The following WDR4 variants were observed in gnomAD, a reference collection of about 807,000 sequenced individuals.
The protein encoded by WDR4 is WDR4 tRNA N7-guanosine methyltransferase non-catalytic subunit, also known as tRNA (guanine-N(7)-)-methyltransferase non-catalytic subunit WDR4.
Under a neutral mutation model 48.6 loss-of-function variants are expected in WDR4, and 47 were observed. The observed-to-expected ratio is 0.97, with a 90% CI of 0.77 to 1.23. The LOEUF (loss-of-function observed/expected upper bound fraction) is 1.23. Ranked by LOEUF, WDR4 falls within the 50% of genes most tolerant of loss-of-function variation. The pLI, the probability that WDR4 is intolerant of heterozygous loss-of-function variation, is 0.00. For synonymous variants in WDR4, 268 were observed against 230.0 expected (o/e 1.17, Z -1.49); for missense variants, 606 against 551.6 (o/e 1.10, Z -0.99).
intron 3 of WDR4, among the ~76,000 whole-genome samples, chr21:42,867,801 G>A (rs1434505637): frequency 1.3e-5 from 2 of 151,638 alleles, no homozygotes; most frequent in Non-Finnish European, 2.9e-5. Context: ...CTGGCCTCAA[G>A]GGATCCTCTC....
In WDR4 at chr21:42,859,767, C is replaced by A. The variant is rs778138954; in HGVS notation, c.567-45G>T. The A allele has an allele frequency of 5.8e-6, 9 of 1,549,312 alleles. No individual in the cohort carries two copies. In the East Asian group the frequency reaches 2.0e-4, roughly 34 times the overall value. ...CGGCAGAGTCAGCGAGCCCAGCGCC[C>A]GCAGGGACCGGGAGGCCTGGGGAGG... On this transcript the variant is annotated intron_variant, in intron 5 of 10. Transcript: ENST00000398208.
the WDR4 span, among the ~76,000 whole-genome samples, chr21:42,887,553 C>A: frequency 6.6e-6 from 1 of 152,156 alleles, no homozygotes; most frequent in East Asian, 1.9e-4. Context: ...GAGCTCACCA[C>A]AGTAGCAACA....
At chr21:42,849,088 C>T (rs1472851019), downstream of WDR4, 2 of 58,828 alleles carry the variant, frequency 3.4e-5, no homozygotes, top group Non-Finnish European at 6.9e-5. Flanking sequence ...GATCACACCA[C>T]GCACCTCACA....
chr21:42,857,186 C>T (rs7281701), intron 6 of WDR4, among the ~76,000 whole-genome samples: 29,016 of 151,858 alleles, frequency 0.19, 3,784 homozygotes, highest in African/African-American at 0.38. Context: ...TCTGGGGAAA[C>T]GGAGCCGAGG....
chr21:42,878,657 C>A (rs2058556964), intron 1 of WDR4, among the ~76,000 whole-genome samples: 1 of 152,174 alleles, frequency 6.6e-6, no homozygotes, highest in Admixed American at 6.5e-5. Flanking sequence ...CTAATTGCTC[C>A]GAGAGTCCTG....
At chr21:42,864,418 C>T (rs1025563354) in intron 3 of WDR4, among the ~76,000 whole-genome samples, 2 of 152,126 alleles carry the variant, frequency 1.3e-5, no homozygotes, top group African/African-American at 4.8e-5. Flanking sequence ...TCTGCTGCGT[C>T]GAACCAGGAG....
intron 1 of WDR4, chr21:42,879,179 C>G (rs2058571201): frequency 2.2e-6 from 3 of 1,336,292 alleles, no homozygotes; most frequent in Non-Finnish European, 1.9e-6. Flanking sequence ...GCAAGGAGCG[C>G]GCCGGAGCCG....
intron 6 of WDR4, among the ~76,000 whole-genome samples, chr21:42,857,578 A>C (rs1250247861): frequency 1.3e-5 from 2 of 152,224 alleles, no homozygotes; most frequent in African/African-American, 4.8e-5. Flanking sequence ...TGAAGAAAGA[A>C]AAGTCCACGC....
At chr21:42,884,811 G>A in the WDR4 span, among the ~76,000 whole-genome samples, 1 of 151,894 alleles carries the variant, frequency 6.6e-6, no homozygotes, top group African/African-American at 2.4e-5. Flanking sequence ...GAGTCTCACT[G>A]TGTCCCCCAG....
intron 2 of WDR4, among the ~76,000 whole-genome samples, chr21:42,874,769 G>A (rs2058451749): frequency 2.0e-5 from 3 of 152,084 alleles, no homozygotes; most frequent in African/African-American, 7.3e-5. Flanking sequence ...CCTGTCTCCT[G>A]ATAAGATGTT....
In WDR4 at chr21:42,863,561, A is replaced by G. The variant is rs762368157; in HGVS notation, c.332T>C (p.Ile111Thr). The change falls in exon 4 of 11, where the codon ATA becomes ACA. Residue 111 changes from isoleucine (I) to threonine (T), a missense_variant. Coordinates refer to ENST00000398208, the MANE Select transcript of WDR4 (RefSeq NM_018669.6). ...VARRCTALTF[I>T]ASEEKVLVAD... ...CACCAAGACCTTCTCCTCCGAGGCTATGAAAGTCAGGGCTGTACACCTCCT... is the reference window on the plus strand; with the variant it reads ...CACCAAGACCTTCTCCTCCGAGGCTGTGAAAGTCAGGGCTGTACACCTCCT... The G allele has an allele frequency of 3.1e-6, 5 of 1,613,804 alleles. No individual in the cohort carries two copies. The highest frequency in any genetic ancestry group is 4.2e-6 in the Non-Finnish European group (5 of 1,179,972).
At chr21:42,845,798 CG>C (rs897291420), downstream of WDR4, among the ~76,000 whole-genome samples, 11 of 152,316 alleles carry the variant, frequency 7.2e-5, no homozygotes, top group African/African-American at 2.6e-4. Context: ...CAATTCCACG[CG>C]CAAGTACACA....
chr21:42,880,268 A>G (rs1273931267), upstream of WDR4, among the ~76,000 whole-genome samples: 3 of 152,058 alleles, frequency 2.0e-5, no homozygotes, highest in Non-Finnish European at 4.4e-5. Flanking sequence ...TCCGAACTGT[A>G]GTGATATTTT....
intron 9 of WDR4, among the ~76,000 whole-genome samples, chr21:42,852,940 A>C (rs2057874529): frequency 6.6e-6 from 1 of 151,424 alleles, no homozygotes; most frequent in African/African-American, 2.4e-5. Flanking sequence ...AGTGCTTCCA[A>C]AGTGCTCAAC....
the WDR4 span, among the ~76,000 whole-genome samples, chr21:42,892,644 A>G: frequency 6.6e-6 from 1 of 152,218 alleles, no homozygotes; most frequent in Admixed American, 6.5e-5. Flanking sequence ...GAAAGAAGCT[A>G]ATAACTAATT....
chr21:42,888,669 CA>C, the WDR4 span, among the ~76,000 whole-genome samples: 3 of 150,040 alleles, frequency 2.0e-5, no homozygotes, highest in Non-Finnish European at 4.4e-5. Context: ...TATTTGAGCT[CA>C]CAATAAATAT....
intron 10 of WDR4, among the ~76,000 whole-genome samples, chr21:42,851,841 C>T (rs966855389): frequency 6.6e-6 from 1 of 152,138 alleles, no homozygotes; most frequent in African/African-American, 2.4e-5. Flanking sequence ...GCTAGACCCC[C>T]ACTAAACCTC....
the WDR4 span, among the ~76,000 whole-genome samples, chr21:42,891,834 G>A: frequency 1.3e-5 from 2 of 151,988 alleles, no homozygotes; most frequent in East Asian, 1.9e-4. Context: ...GCTCATGCCT[G>A]TTGTCCCAGC....
intron 1 of WDR4, 167 bp downstream of exon 1, chr21:42,879,240 G>C: frequency 7.5e-7 from 1 of 1,335,524 alleles, no homozygotes; most frequent in Non-Finnish European, 9.6e-7. Flanking sequence ...CAGGCGCAGA[G>C]ACGCGGCCAG....
Sources: gnomAD v4.1 joint callset for allele counts (sites outside exome capture counted in the v4.1 genomes callset) on GRCh38, gnomAD v4.1.1 for gene constraint, MANE v1.5 for transcripts, NCBI Gene and HGNC (gene_info 2026-07-23, HGNC 2026-07-21) for gene names.